SPEN: variants seen among roughly 807,000 people sequenced by gnomAD.
The protein encoded by SPEN is msx2-interacting protein.
Under a neutral mutation model 269.9 loss-of-function variants are expected in SPEN, and 18 were observed. The ratio of observed to expected loss-of-function variants is 0.07; its 90% CI spans 0.05 to 0.10. The LOEUF (loss-of-function observed/expected upper bound fraction) is 0.10. Ranked by LOEUF, SPEN falls within the 10% of genes least tolerant of loss-of-function variation. The pLI, the probability that SPEN is intolerant of heterozygous loss-of-function variation, is 1.00. For synonymous variants in SPEN, 1,726 were observed against 1,765.7 expected (o/e 0.98, Z 0.56); for missense variants, 3,822 against 4,631.2 (o/e 0.83, Z 5.07).
chr1:15,851,253 A>G (rs954561931), intron 1 of SPEN, among the ~76,000 whole-genome samples: 1 of 152,236 alleles, frequency 6.6e-6, no homozygotes, highest in Non-Finnish European at 1.5e-5. Context: ...CTTAAAACAT[A>G]ATCAGAACAT....
At chr1:15,868,257 C>A (rs903789348) in intron 1 of SPEN, among the ~76,000 whole-genome samples, 3 of 151,528 alleles carry the variant, frequency 2.0e-5, no homozygotes, top group African/African-American at 7.3e-5. Context: ...ATCCTCCCAC[C>A]TGGCCTCCCA....
Position 15,934,331 on chromosome 1 carries a change from G to C in SPEN, c.8091G>C (p.Val2697=). Residue 2697 remains valine, a synonymous_variant, in exon 11 of 15, where the codon GTG becomes GTC. Coordinates refer to ENST00000375759, the MANE Select transcript of SPEN (RefSeq NM_015001.3). This position sits in a 1 kb window ranked among gnomAD's most constrained non-coding sequence, Gnocchi z 9.2. ...AGPVNVLKGP[V]NVLTGPVNVL... is the part of the protein sequence containing the mutation. ...CCGTGAACGTCCTGAAAGGGCCTGT[G>C]AATGTTCTTACGGGGCCAGTGAATG... The C allele has an allele frequency of 6.2e-7, 1 of 1,613,864 alleles. No individual in the cohort carries two copies. Among genetic ancestry groups the C allele is most frequent in the Non-Finnish European group, 8.5e-7 (1 of 1,180,048 alleles).
intron 3 of SPEN, among the ~76,000 whole-genome samples, chr1:15,908,014 C>T (rs1216079011): frequency 6.6e-6 from 1 of 152,006 alleles, no homozygotes; most frequent in Non-Finnish European, 1.5e-5. Flanking sequence ...TAACTCTCAC[C>T]TTTCCATGTT....
chr1:15,886,138 G>C (rs1036851066), intron 3 of SPEN, among the ~76,000 whole-genome samples: 1 of 152,084 alleles, frequency 6.6e-6, no homozygotes, highest in Non-Finnish European at 1.5e-5. Context: ...TTTTGTTTTA[G>C]ATGTGTAGGT....
intron 1 of SPEN, among the ~76,000 whole-genome samples, chr1:15,871,563 G>T (rs113490059): frequency 0.035 from 5,285 of 151,986 alleles, 300 homozygotes; most frequent in African/African-American, 0.12. Context: ...CAAAGTGCTG[G>T]GATTACAGGT....
chr1:15,891,683 T>G (rs1454136395), intron 3 of SPEN, among the ~76,000 whole-genome samples: 1 of 151,892 alleles, frequency 6.6e-6, no homozygotes, highest in African/African-American at 2.4e-5. Context: ...AGCGATAGGG[T>G]CTCGCTATGT....
intron 3 of SPEN, among the ~76,000 whole-genome samples, chr1:15,893,770 C>T (rs2070812035): frequency 6.6e-6 from 1 of 152,044 alleles, no homozygotes; most frequent in Non-Finnish European, 1.5e-5. Flanking sequence ...ATTGCAGTGG[C>T]TCCCGCCGTA....
At chr1:15,907,238 T>C (rs911832907) in intron 3 of SPEN, among the ~76,000 whole-genome samples, 2 of 152,128 alleles carry the variant, frequency 1.3e-5, no homozygotes, top group Non-Finnish European at 2.9e-5. Context: ...TCCCAGCACA[T>C]TGGGAGGCTG....
rs959274683 is a variant in SPEN at position 15,933,809 on chromosome 1, G to A, written c.7569G>A (p.Lys2523=). 3.7e-6 allele frequency: 6 copies of A among 1,613,154 alleles called. No homozygotes were observed. Among genetic ancestry groups the A allele is most frequent in the African/African-American group, 1.3e-5 (1 of 74,890 alleles). The change falls in exon 11 of 15, where the codon AAG becomes AAA. Residue 2523 remains lysine, a synonymous_variant. Coordinates refer to ENST00000375759, the MANE Select transcript of SPEN (RefSeq NM_015001.3). The surrounding 1 kb of genome is among the most constrained non-coding windows in gnomAD (Gnocchi z 5.7). ...TPSPALPPDT[K]ASDVDTSSST... Reference sequence around the variant, plus strand: ...CTCCAGCTCTTCCCCCAGACACAAAGGCCTCTGATGTTGACACCAGCTCCA... The same window carrying A: ...CTCCAGCTCTTCCCCCAGACACAAAAGCCTCTGATGTTGACACCAGCTCCA...
chr1:15,857,691 T>TC (rs1007495840), intron 1 of SPEN, among the ~76,000 whole-genome samples: 1 of 151,282 alleles, frequency 6.6e-6, no homozygotes, highest in African/African-American at 2.4e-5. Flanking sequence ...AAAAAATTGT[T>TC]TTTTTTCTAC....
At chr1:15,878,880 C>T (rs544185432) in intron 3 of SPEN, among the ~76,000 whole-genome samples, 1 of 150,964 alleles carries the variant, frequency 6.6e-6, no homozygotes, top group East Asian at 2.0e-4. Flanking sequence ...CATGGTGGCA[C>T]ATGCCTGTAA....
chr1:15,894,555 T>C (rs1408127147), intron 3 of SPEN, among the ~76,000 whole-genome samples: 1 of 148,208 alleles, frequency 6.7e-6, no homozygotes, highest in Non-Finnish European at 1.5e-5. Context: ...TTTTTTTTTT[T>C]TTTTGAGACG....
At chr1:15,861,071 A>AT (rs1486378544) in intron 1 of SPEN, among the ~76,000 whole-genome samples, 1 of 150,930 alleles carries the variant, frequency 6.6e-6, no homozygotes, top group Non-Finnish European at 1.5e-5. Context: ...TGTCCAGCTA[A>AT]TTTTTTTAAA....
chr1:15,871,617 C>G (rs1294572894), intron 1 of SPEN, among the ~76,000 whole-genome samples: 1 of 151,870 alleles, frequency 6.6e-6, no homozygotes, highest in African/African-American at 2.4e-5. Flanking sequence ...TTAATTGTAC[C>G]TATATTATAA....
rs147983953 is a variant in SPEN at position 15,933,374 on chromosome 1, C to A, written c.7134C>A (p.Pro2378=). Residue 2378 remains proline, a synonymous_variant, in exon 11 of 15, where the codon CCC becomes CCA. Coordinates refer to ENST00000375759, the MANE Select transcript of SPEN (RefSeq NM_015001.3). This position sits in a 1 kb window ranked among gnomAD's most constrained non-coding sequence, Gnocchi z 5.7. ...AANEGTTVQH[P]EAPQEEKQSE... is the part of the protein sequence containing the mutation. Reference sequence around the variant, plus strand: ...ATGAGGGGACAACAGTACAGCACCCCGAAGCCCCACAGGAAGAAAAGCAGA... The same window carrying A: ...ATGAGGGGACAACAGTACAGCACCCAGAAGCCCCACAGGAAGAAAAGCAGA... The A allele has an allele frequency of 1.9e-6, 3 of 1,614,118 alleles. No individual in the cohort carries two copies. The highest frequency in any genetic ancestry group is 2.2e-5 in the East Asian group (1 of 44,878).
chr1:15,890,098 T>TA lies in SPEN; in HGVS notation c.881+13425dup, dbSNP rs532455495. On this transcript the variant is annotated intron_variant, in intron 3 of 14. Coordinates refer to ENST00000375759, the MANE Select transcript of SPEN (RefSeq NM_015001.3). ...GACAAAACAGTAAGTGAAATAGCTT[T>TA]AAAAATGTCTTTGCAGAGTTCGTTT... Among the ~76,000 whole-genome samples, 9 of 152,336 alleles carry TA rather than the reference T, an allele frequency of 5.9e-5. No homozygotes were observed. In the South Asian group the frequency reaches 1.9e-3, roughly 32 times the overall value.
chr1:15,878,748 G>T (rs1388564827), intron 3 of SPEN, among the ~76,000 whole-genome samples: 1 of 152,082 alleles, frequency 6.6e-6, no homozygotes, highest in Non-Finnish European at 1.5e-5. Flanking sequence ...GCTCACTCAC[G>T]CCTGTAATCC....
chr1:15,871,888 C>G (rs1335991975), intron 1 of SPEN, among the ~76,000 whole-genome samples: 1 of 151,932 alleles, frequency 6.6e-6, no homozygotes, highest in Non-Finnish European at 1.5e-5. Context: ...TTGATTCTAT[C>G]TTAGGTTCAG....
intron 2 of SPEN, chr1:15,873,794 A>G: frequency 2.0e-6 from 2 of 1,018,052 alleles, no homozygotes; most frequent in Non-Finnish European, 2.4e-6. Flanking sequence ...AAAATGATGG[A>G]TGTTTCCTAA....
Sources: allele counts gnomAD v4.1 joint callset (sites outside exome capture counted in the v4.1 genomes callset), GRCh38; gene constraint gnomAD v4.1.1; non-coding constraint Gnocchi (gnomAD v3.1); transcripts MANE v1.5; gene names NCBI Gene and HGNC (gene_info 2026-07-23, HGNC 2026-07-21).